DIAPH1: variants seen among roughly 807,000 people sequenced by gnomAD.
DIAPH1 encodes the protein protein diaphanous homolog 1.
Under a neutral mutation model 140.7 loss-of-function variants are expected in DIAPH1, and 46 were observed. The ratio of observed to expected loss-of-function variants is 0.33; its 90% confidence interval spans 0.26 to 0.42. The LOEUF is 0.42. Among genes scored for constraint, DIAPH1 ranks in the 10% least tolerant of loss-of-function variants. The pLI is 1.00. For missense variants in DIAPH1, 1,310 were observed against 1,558.7 expected, an observed-to-expected ratio of 0.84 and a Z score of 2.69; for synonymous variants, 565 against 551.6, an observed-to-expected ratio of 1.02 and a Z score of -0.34.
chr5:141,571,023 C>T (rs1279531481), intron 18 of DIAPH1, among the ~76,000 whole-genome samples: 1 of 152,174 alleles, frequency 6.6e-6, no homozygotes, highest in African/African-American at 2.4e-5. Context: ...CCTAACTGTT[C>T]AGAGTCTATA....
rs1429162380 is a variant in DIAPH1, at chr5:141,573,833, T to C, written c.2017A>G (p.Thr673Ala). ...IPSPSSLPGG[T>A]AIPPPPPLPG... ...AAAGGAGGAGGTGGGGGGATGGCAGTACCTCCAGGCAAAGAAGAGGGTGAA... is the reference window on the plus strand; with the variant it reads ...AAAGGAGGAGGTGGGGGGATGGCAGCACCTCCAGGCAAAGAAGAGGGTGAA... Residue 673 changes from threonine to alanine, a missense_variant, in exon 16 of 28, where the codon ACT (threonine) becomes GCT (alanine). Thr to Ala is a moderately conservative substitution (Grantham distance 58). Around this residue, in one of 3 missense-constraint regions of DIAPH1, gnomAD observed 589 missense variants for 549.3 expected, o/e 1.07. Transcript: ENST00000389054. 5.3e-6 allele frequency: 8 copies of C among 1,502,130 alleles called. No homozygotes were observed. Among genetic ancestry groups the C allele is most frequent in the Non-Finnish European group, 7.1e-6 (8 of 1,123,076 alleles). The allele number at this position is 1,502,130 out of a possible 1,614,324, so 93.1% of individuals were successfully genotyped here.
chr5:141,541,617 G>A (rs1256505303), intron 18 of DIAPH1, among the ~76,000 whole-genome samples: 12 of 151,142 alleles, frequency 7.9e-5, no homozygotes, highest in East Asian at 5.8e-4. Flanking sequence ...CCCGGGAGGC[G>A]GAGGTTCTAG....
chr5:141,533,745 T>C (rs967512394), intron 19 of DIAPH1, among the ~76,000 whole-genome samples: 13 of 152,144 alleles, frequency 8.5e-5, no homozygotes, highest in Non-Finnish European at 1.3e-4. Context: ...CCATCTGTGG[T>C]AGACTTTCTG....
chr5:141,521,237 T>C (rs745588780), intron 27 of DIAPH1, among the ~76,000 whole-genome samples: 1 of 152,162 alleles, frequency 6.6e-6, no homozygotes, highest in Non-Finnish European at 1.5e-5. Flanking sequence ...TGGGAAATGG[T>C]AGAGGGAAGG....
At chr5:141,595,065 A>C (rs2099899101) in intron 1 of DIAPH1, among the ~76,000 whole-genome samples, 1 of 152,002 alleles carries the variant, frequency 6.6e-6, no homozygotes, top group Non-Finnish European at 1.5e-5. Context: ...AAGAAAGAAA[A>C]AAGGAAAAGG....
chr5:141,578,976 G>A (rs139508736), intron 9 of DIAPH1, 112 bp downstream of exon 9: 1 of 856,844 alleles, frequency 1.2e-6, no homozygotes, highest in Non-Finnish European at 2.0e-6. Flanking sequence ...ATTCTGAAAT[G>A]TAAAATATAT....
Position 141,529,569 on chromosome 5 carries a change from G to C in DIAPH1, c.2676+34C>G, listed in dbSNP as rs766377835. 28 of 1,542,550 alleles carry C rather than the reference G, an allele frequency of 1.8e-5. No individual in the cohort carries two copies. In the South Asian group the frequency reaches 3.1e-4, roughly 17 times the overall value. On this transcript the variant is annotated intron_variant, in intron 20 of 27. Transcript: ENST00000389054. Reference sequence around the variant, plus strand: ...GAGGCCAGTGCCCAGCGACACAGAAGAGCCTGCTCCAGCAGAACCACCTTA... The same window carrying C: ...GAGGCCAGTGCCCAGCGACACAGAACAGCCTGCTCCAGCAGAACCACCTTA...
chr5:141,579,556 T>C (rs781415353), intron 8 of DIAPH1, among the ~76,000 whole-genome samples: 18 of 152,176 alleles, frequency 1.2e-4, no homozygotes, highest in Non-Finnish European at 2.4e-4. Context: ...ATCCAACATA[T>C]GGGCATAAAT....
intron 13 of DIAPH1, 44 bp downstream of exon 13, chr5:141,576,712 G>C: frequency 7.9e-7 from 1 of 1,262,430 alleles, no homozygotes; most frequent in Non-Finnish European, 1.2e-6. Flanking sequence ...AAAATGAAAG[G>C]AAGAAGCAAT....
chr5:141,587,212 A>C lies in DIAPH1; in HGVS notation c.145-15T>G. 1 of 1,613,456 alleles carries C rather than the reference A, an allele frequency of 6.2e-7. No homozygotes were observed. Among genetic ancestry groups the C allele is most frequent in the Non-Finnish European group, 8.5e-7 (1 of 1,179,852 alleles). On this transcript the variant is annotated splice_polypyrimidine_tract_variant and intron_variant, in intron 2 of 27. Coordinates refer to ENST00000389054, the MANE Select transcript of DIAPH1 (RefSeq NM_005219.5). ...AATCTCTCCAGCTGAGAAACAGAAAAAAGCATTAGCAGTGATCCATTTTCA... is the reference window on the plus strand; with the variant it reads ...AATCTCTCCAGCTGAGAAACAGAAACAAGCATTAGCAGTGATCCATTTTCA...
In DIAPH1 at chr5:141,587,504, G is replaced by A; in HGVS notation, c.145-307C>T. On this transcript the variant is annotated intron_variant, in intron 2 of 27. Coordinates refer to ENST00000389054, the MANE Select transcript of DIAPH1 (RefSeq NM_005219.5). The stretch of plus-strand genomic sequence containing the variant: ...CATTTCTAAGCCTTGTAGTAGTACG[G>A]AACTGAAAGCCTCTCATGACAGAGT... The A allele has an allele frequency of 1.1e-5, 4 of 380,424 alleles. No individual in the cohort carries two copies. In the South Asian group the frequency reaches 1.1e-4, roughly 10 times the overall value. 23.6% of individuals were successfully genotyped at this position (380,424 alleles called of 1,614,324 possible). A position where few individuals can be genotyped will look rare whatever the true frequency, so the allele number is the denominator to read the frequency against.
intron 9 of DIAPH1, 24 bp downstream of exon 9, chr5:141,579,063 GC>G (rs764287397): frequency 6.5e-7 from 1 of 1,540,042 alleles, no homozygotes; most frequent in Non-Finnish European, 9.0e-7. Flanking sequence ...CTATTCTTGG[GC>G]CCAGTTTCAG....
chr5:141,593,546 T>C (rs1198638350), intron 1 of DIAPH1, among the ~76,000 whole-genome samples: 1 of 152,148 alleles, frequency 6.6e-6, no homozygotes, highest in Non-Finnish European at 1.5e-5. Context: ...ATAGTCCAAG[T>C]AGATCACTTC....
chr5:141,578,998 A>T (rs2099896357), intron 9 of DIAPH1, 90 bp downstream of exon 9: 2 of 941,640 alleles, frequency 2.1e-6, no homozygotes, highest in Admixed American at 3.4e-5. Context: ...GTTGGGAGGC[A>T]CTCCATGTAT....
At chr5:141,604,229 G>A (rs2099900595) in intron 1 of DIAPH1, among the ~76,000 whole-genome samples, 1 of 152,182 alleles carries the variant, frequency 6.6e-6, no homozygotes, top group Non-Finnish European at 1.5e-5. Context: ...AGTAAGCAAA[G>A]CTTCCTTCCT....
At chr5:141,571,573 C>A in intron 17 of DIAPH1, 137 bp from the exon 18 acceptor site, 1 of 759,364 alleles carries the variant, frequency 1.3e-6, no homozygotes, top group Admixed American at 2.6e-5. Context: ...TCTTTCCAAC[C>A]CTTATTAATT....
intron 26 of DIAPH1, among the ~76,000 whole-genome samples, chr5:141,525,429 CAG>C (rs984770618): frequency 6.6e-6 from 1 of 151,840 alleles, no homozygotes; most frequent in African/African-American, 2.4e-5. Context: ...AAGAAAGAAG[CAG>C]AGACAGGAAA....
At chr5:141,609,127 TAAGA>T (rs983296696) in intron 1 of DIAPH1, among the ~76,000 whole-genome samples, 1 of 125,064 alleles carries the variant, frequency 8.0e-6, no homozygotes, top group Non-Finnish European at 1.7e-5. Context: ...AAGGTTTAAT[TAAGA>T]TTCTTCCAAT....
intron 1 of DIAPH1, among the ~76,000 whole-genome samples, chr5:141,599,212 C>A (rs535783484): frequency 6.6e-6 from 1 of 152,244 alleles, no homozygotes; most frequent in South Asian, 2.1e-4. Flanking sequence ...AGAGTACATT[C>A]TACATAGCAA....
Sources: gnomAD v4.1 joint callset for allele counts (sites outside exome capture counted in the v4.1 genomes callset) on GRCh38, gnomAD v4.1.1 for gene constraint, gnomAD v4.1.1 regional missense constraint, MANE v1.5 for transcripts, NCBI Gene and HGNC (gene_info 2026-07-23, HGNC 2026-07-21) for gene names.